The following FOXK1 variants were observed in gnomAD, a reference collection of about 807,000 sequenced individuals.
FOXK1 encodes forkhead box K1.
FOXK1 carries 19 observed loss-of-function variants against 51.9 expected under a neutral mutation model. The observed-to-expected ratio is 0.37, with a 90% CI of 0.26 to 0.54. FOXK1 has a LOEUF of 0.54. FOXK1 is among the 20% of genes least tolerant of loss of function. The probability of loss-of-function intolerance (pLI) is 0.87; values close to 1 mark genes in which losing one functional copy is unlikely to be tolerated. For missense variants in FOXK1, 870 were observed against 1,032.7 expected, an observed-to-expected ratio of 0.84 and a Z score of 2.16; for synonymous variants, 537 against 482.6, an observed-to-expected ratio of 1.11 and a Z score of -1.48.
chr7:4,717,953 C>T (rs1780257149), intron 1 of FOXK1, among the ~76,000 whole-genome samples: 1 of 152,164 alleles, frequency 6.6e-6, no homozygotes, highest in African/African-American at 2.4e-5. Context: ...CGTTTTCTTC[C>T]TGATAAATGT....
At position 4,762,292 on chromosome 7, in the gene FOXK1, C is replaced by A. The variant is rs759848287; in HGVS notation, c.2030C>A (p.Ala677Glu). ...VGPKEPAAAV[A>E]ATATTTPATA... ...CCCAAGGAGCCAGCAGCAGCCGTCG[C>A]GGCCACGGCCACCACCACCCCAGCC... Residue 677 changes from alanine to glutamate, a missense_variant, in exon 9 of 9, where the codon GCG becomes GAG. By Grantham distance (107) the Ala-to-Glu change is moderately radical. Transcript: ENST00000328914. This position sits in a 1 kb window ranked among gnomAD's most constrained non-coding sequence, Gnocchi z 5.7. 1 of 1,550,352 alleles carries A rather than the reference C, an allele frequency of 6.5e-7. No individual in the cohort carries two copies. Among genetic ancestry groups the A allele is most frequent in the Non-Finnish European group, 8.7e-7 (1 of 1,146,800 alleles).
chr7:4,708,547 G>A (rs1426260559), intron 1 of FOXK1, among the ~76,000 whole-genome samples: 3 of 152,228 alleles, frequency 2.0e-5, no homozygotes, highest in Admixed American at 6.5e-5. Flanking sequence ...AACTAAAGAT[G>A]ACCAAGTTTA....
At position 4,729,135 on chromosome 7, in the gene FOXK1, T is replaced by C. The variant is rs1435818537; in HGVS notation, c.561-11703T>C. On this transcript the variant is annotated intron_variant, in intron 1 of 8. Transcript: ENST00000328914. The surrounding 1 kb of genome is among the most constrained non-coding windows in gnomAD (Gnocchi z 6.2). ...TGTCTTAAAGAGCCTAGTCCATCTTTACGCGGTCTTTTTACGTCTGTTTAA... is the reference window on the plus strand; with the variant it reads ...TGTCTTAAAGAGCCTAGTCCATCTTCACGCGGTCTTTTTACGTCTGTTTAA... Among the ~76,000 whole-genome samples the C allele has an allele frequency of 2.0e-5, 3 of 152,226 alleles. No individual in the cohort carries two copies. In the East Asian group the frequency reaches 5.8e-4, roughly 29 times the overall value.
intron 1 of FOXK1, among the ~76,000 whole-genome samples, chr7:4,720,873 C>T (rs947598601): frequency 5.3e-5 from 8 of 151,854 alleles, no homozygotes; most frequent in Admixed American, 6.6e-5. Flanking sequence ...CATGCACCAC[C>T]ACGCCCACTT....
chr7:4,739,717 C>T (rs557201689), intron 1 of FOXK1, among the ~76,000 whole-genome samples: 1 of 152,356 alleles, frequency 6.6e-6, no homozygotes, highest in African/African-American at 2.4e-5. Flanking sequence ...TGCACGCTCT[C>T]TGCGACTCCC....
intron 1 of FOXK1, among the ~76,000 whole-genome samples, chr7:4,717,650 A>G (rs1261858719): frequency 6.6e-6 from 1 of 152,134 alleles, no homozygotes; most frequent in Non-Finnish European, 1.5e-5. Flanking sequence ...CCCCAGAGGC[A>G]GGGCCCTTCC....
intron 1 of FOXK1, among the ~76,000 whole-genome samples, chr7:4,695,029 A>G (rs1204497047): frequency 6.6e-6 from 1 of 152,274 alleles, no homozygotes; most frequent in Non-Finnish European, 1.5e-5. Flanking sequence ...AAGAATGTTT[A>G]AAATGATAGC....
intron 1 of FOXK1, among the ~76,000 whole-genome samples, chr7:4,724,994 G>C (rs2115050494): frequency 6.6e-6 from 1 of 152,300 alleles, no homozygotes; most frequent in African/African-American, 2.4e-5. Flanking sequence ...AAGTGGGTTT[G>C]GGGGGAGCCC....
At chr7:4,691,304 T>C (rs553331793) in intron 1 of FOXK1, among the ~76,000 whole-genome samples, 1 of 152,318 alleles carries the variant, frequency 6.6e-6, no homozygotes, top group Non-Finnish European at 1.5e-5. Flanking sequence ...GCGTAGCTTT[T>C]CTCTCCTAAG....
rs746977867 is a variant in FOXK1 at position 4,759,271 on chromosome 7, T to C, written c.1412-40T>C. ...CGGGGCGGGGCGGGACTCGTGGGGG[T>C]GCGGGAGGGGTCACCGTCCGCTCTC... is the stretch of plus-strand genomic sequence containing the variant. On this transcript the variant is annotated intron_variant, in intron 6 of 8. Coordinates refer to ENST00000328914, the MANE Select transcript of FOXK1 (RefSeq NM_001037165.2). The C allele has an allele frequency of 2.5e-6, 4 of 1,600,860 alleles. No homozygotes were observed. The Admixed American group carries it at 6.7e-5, about 27-fold the overall frequency.
chr7:4,707,717 C>G lies in FOXK1; in HGVS notation c.560+24849C>G, dbSNP rs55696939. Among the ~76,000 whole-genome samples the G allele has an allele frequency of 5.2e-3, 786 of 151,146 alleles. 13 individuals carry two copies. The highest frequency in any genetic ancestry group is 0.019 in the African/African-American group (759 of 40,808). Reference sequence around the variant, plus strand: ...TTTTTTTTTTTGAGACGGACTCTCTCTCCGTTGCCCAGGCTGGAGTGCAGT... The same window carrying G: ...TTTTTTTTTTTGAGACGGACTCTCTGTCCGTTGCCCAGGCTGGAGTGCAGT... On this transcript the variant is annotated intron_variant, in intron 1 of 8. Transcript: ENST00000328914. This position sits in a 1 kb window ranked among gnomAD's most constrained non-coding sequence, Gnocchi z 4.1.
In FOXK1 at chr7:4,745,531, AAATG is replaced by A. The variant is rs1028422059; in HGVS notation, c.746+4515_746+4518del. 7.2e-5 allele frequency among the ~76,000 whole-genome samples: 11 copies of A among 152,228 alleles called. No homozygotes were observed. Among genetic ancestry groups the A allele is most frequent in the African/African-American group, 2.6e-4 (11 of 41,540 alleles). ...TCTGCCCTGAAGTACTCCACCCAGA[AAATG>A]AATGAACTCTCTTTGAAATAAATTC... On this transcript the variant is annotated intron_variant, in intron 2 of 8. Coordinates refer to ENST00000328914, the MANE Select transcript of FOXK1 (RefSeq NM_001037165.2). The surrounding 1 kb of genome is among the most constrained non-coding windows in gnomAD (Gnocchi z 4.3).
chr7:4,762,523 G>A lies in FOXK1; in HGVS notation c.*59G>A, dbSNP rs1170732306. Reference sequence around the variant, plus strand: ...CAGCGGCGACCCCGAAGCTGGACCCGGCAGCTCAGGCGGCCGCACCCACAG... The same window carrying A: ...CAGCGGCGACCCCGAAGCTGGACCCAGCAGCTCAGGCGGCCGCACCCACAG... On this transcript the variant is annotated 3_prime_UTR_variant, in exon 9 of 9. Coordinates refer to ENST00000328914, the MANE Select transcript of FOXK1 (RefSeq NM_001037165.2). The surrounding 1 kb of genome is among the most constrained non-coding windows in gnomAD (Gnocchi z 5.7). 1.8e-5 allele frequency: 27 copies of A among 1,481,178 alleles called. No individual in the cohort carries two copies. Among genetic ancestry groups the A allele is most frequent in the Admixed American group, 6.6e-5 (3 of 45,630 alleles). 91.8% of individuals were successfully genotyped at this position (1,481,178 alleles called of 1,614,324 possible). A position where few individuals can be genotyped will look rare whatever the true frequency, so the allele number is the denominator to read the frequency against.
Position 4,696,156 on chromosome 7 carries a change from C to A in FOXK1, c.560+13288C>A, listed in dbSNP as rs925374384. 4.0e-5 allele frequency among the ~76,000 whole-genome samples: 6 copies of A among 151,832 alleles called. No homozygotes were observed. In the East Asian group the frequency reaches 1.2e-3, roughly 29 times the overall value. ...AAAAGAATCTTGTGCTGAGTCTGAC[C>A]CCTGACATACATTAGGAGGGGAGGC... On this transcript the variant is annotated intron_variant, in intron 1 of 8. Transcript: ENST00000328914.
chr7:4,725,384 C>CG (rs779733252), intron 1 of FOXK1, among the ~76,000 whole-genome samples: 21 of 152,240 alleles, frequency 1.4e-4, no homozygotes, highest in Non-Finnish European at 2.2e-4. Context: ...GTGATGTCAT[C>CG]GGATTTTTTT....
rs978134414 is a variant in FOXK1, at chr7:4,743,683, G to C, written c.746+2660G>C. Among the ~76,000 whole-genome samples, 3 of 152,210 alleles carry C rather than the reference G, an allele frequency of 2.0e-5. No homozygotes were observed. The highest frequency in any genetic ancestry group is 7.2e-5 in the African/African-American group (3 of 41,452). ...GCTGTAGAAATGGTGGCCAAGACCA[G>C]CTCACGTGCTAGTGGAAGCTCACAC... On this transcript the variant is annotated intron_variant, in intron 2 of 8. Coordinates refer to ENST00000328914, the MANE Select transcript of FOXK1 (RefSeq NM_001037165.2). This position sits in a 1 kb window ranked among gnomAD's most constrained non-coding sequence, Gnocchi z 5.3.
intron 1 of FOXK1, among the ~76,000 whole-genome samples, chr7:4,712,633 G>A (rs542628256): frequency 1.3e-5 from 2 of 152,252 alleles, no homozygotes; most frequent in South Asian, 2.1e-4. Context: ...GAAAAGACTG[G>A]TCATGTTTGT....
intron 1 of FOXK1, among the ~76,000 whole-genome samples, chr7:4,728,730 GAAAA>G (rs67143977): frequency 4.8e-5 from 5 of 103,894 alleles, no homozygotes; most frequent in South Asian, 3.4e-4. Context: ...GTCTCTTTTT[GAAAA>G]AAAAAAAAAA....
At chr7:4,697,132 CTG>C (rs1280191928) in intron 1 of FOXK1, among the ~76,000 whole-genome samples, 1 of 152,184 alleles carries the variant, frequency 6.6e-6, no homozygotes, top group African/African-American at 2.4e-5. Flanking sequence ...CTGGCACTGT[CTG>C]GAGTCCAGCG....
Sources: gnomAD v4.1 joint callset for allele counts (sites outside exome capture counted in the v4.1 genomes callset) on GRCh38, gnomAD v4.1.1 for gene constraint, Gnocchi (gnomAD v3.1) non-coding constraint, MANE v1.5 for transcripts, NCBI Gene and HGNC (gene_info 2026-07-23, HGNC 2026-07-21) for gene names.